NCKAP5: variants seen among roughly 807,000 people sequenced by gnomAD.
NCKAP5 encodes NCK associated protein 5.
NCKAP5 carries 92 observed loss-of-function variants against 167.0 expected under a neutral mutation model. That is an observed-to-expected ratio of 0.55 (90% CI 0.47 to 0.66). The LOEUF is 0.66. NCKAP5 is among the 30% of genes least tolerant of loss of function. The probability of loss-of-function intolerance (pLI) is 0.00; values close to 1 mark genes in which losing one functional copy is unlikely to be tolerated. For missense variants in NCKAP5, 2,378 were observed against 2,315.0 expected (o/e 1.03, Z -0.56); for synonymous variants, 891 against 877.4 (o/e 1.02, Z -0.27).
At chr2:133,561,172 G>C (rs879275123) in intron 1 of NCKAP5, among the ~76,000 whole-genome samples, 29 of 152,250 alleles carry the variant, frequency 1.9e-4, no homozygotes, top group Non-Finnish European at 3.2e-4. Context: ...CTAAAAACAA[G>C]AGCTTCTTTA....
intron 6 of NCKAP5, among the ~76,000 whole-genome samples, chr2:133,037,857 A>T (rs1332450084): frequency 2.0e-5 from 3 of 152,188 alleles, no homozygotes; most frequent in Non-Finnish European, 4.4e-5. Flanking sequence ...TGAAGAGACA[A>T]TCCATGGAAT....
At chr2:133,077,328 G>A (rs1025924947) in intron 6 of NCKAP5, among the ~76,000 whole-genome samples, 7 of 152,122 alleles carry the variant, frequency 4.6e-5, no homozygotes, top group African/African-American at 7.2e-5. Context: ...ATTTAAAAAC[G>A]GATGCTTCTA....
chr2:133,022,190 C>A (rs960089149), intron 6 of NCKAP5, among the ~76,000 whole-genome samples: 2 of 152,054 alleles, frequency 1.3e-5, no homozygotes, highest in Admixed American at 1.3e-4. Flanking sequence ...ATATACTAGC[C>A]CCAAATATAT....
chr2:133,008,027 A>T (rs2078024816), intron 6 of NCKAP5, among the ~76,000 whole-genome samples: 1 of 152,176 alleles, frequency 6.6e-6, no homozygotes, highest in South Asian at 2.1e-4. Context: ...GCTGTCTTCT[A>T]TGTGTGCATT....
At chr2:133,446,437 T>C (rs1691199316) in intron 3 of NCKAP5, among the ~76,000 whole-genome samples, 1 of 152,166 alleles carries the variant, frequency 6.6e-6, no homozygotes, top group Non-Finnish European at 1.5e-5. Flanking sequence ...GTGTAATAAC[T>C]CATTTAATTC....
At chr2:133,419,307 C>T (rs1227614541) in intron 3 of NCKAP5, among the ~76,000 whole-genome samples, 3 of 152,186 alleles carry the variant, frequency 2.0e-5, no homozygotes, top group African/African-American at 4.8e-5. Flanking sequence ...TGGAATTTGT[C>T]CCCAAATCTT....
At chr2:133,468,373 A>G (rs1248706904) in intron 3 of NCKAP5, among the ~76,000 whole-genome samples, 1 of 147,434 alleles carries the variant, frequency 6.8e-6, no homozygotes, top group Non-Finnish European at 1.5e-5. Context: ...GTGGTCTGAG[A>G]GACAGTTTGT....
At chr2:133,526,125 A>AG (rs1036623155) in intron 2 of NCKAP5, among the ~76,000 whole-genome samples, 2 of 151,210 alleles carry the variant, frequency 1.3e-5, no homozygotes, top group Non-Finnish European at 2.9e-5. Context: ...GAAGATTGAA[A>AG]GAAAAACAAA....
At chr2:132,936,064 G>A (rs1696829321) in intron 8 of NCKAP5, among the ~76,000 whole-genome samples, 1 of 149,418 alleles carries the variant, frequency 6.7e-6, no homozygotes, top group Non-Finnish European at 1.5e-5. Context: ...TCACTGTAAC[G>A]TCTGCCTCCC....
At chr2:133,102,666 G>C (rs1178472002) in intron 6 of NCKAP5, among the ~76,000 whole-genome samples, 1 of 151,436 alleles carries the variant, frequency 6.6e-6, no homozygotes, top group Non-Finnish European at 1.5e-5. Flanking sequence ...TTACATCTCT[G>C]TTACCTCCAT....
chr2:132,951,584 T>C (rs1426845788), intron 8 of NCKAP5, among the ~76,000 whole-genome samples: 1 of 152,206 alleles, frequency 6.6e-6, no homozygotes, highest in East Asian at 1.9e-4. Flanking sequence ...TGAATGCTAA[T>C]GAATTAGATC....
intron 3 of NCKAP5, among the ~76,000 whole-genome samples, chr2:133,514,410 G>A (rs1043524353): frequency 3.9e-5 from 6 of 152,052 alleles, no homozygotes; most frequent in Non-Finnish European, 7.4e-5. Context: ...CCACAAACTT[G>A]TTTTCCCCAA....
intron 3 of NCKAP5, among the ~76,000 whole-genome samples, chr2:133,501,067 G>A (rs2151386307): frequency 6.6e-6 from 1 of 152,296 alleles, no homozygotes; most frequent in East Asian, 1.9e-4. Context: ...CCAAGGAACT[G>A]GACAGATCGC....
At chr2:133,286,360 A>G (rs1275620521) in intron 4 of NCKAP5, among the ~76,000 whole-genome samples, 1 of 152,228 alleles carries the variant, frequency 6.6e-6, no homozygotes, top group Non-Finnish European at 1.5e-5. Context: ...CTGAAACAGA[A>G]CAAGGCAATT....
At chr2:133,094,300 TA>T (rs1211398594) in intron 6 of NCKAP5, among the ~76,000 whole-genome samples, 1 of 152,220 alleles carries the variant, frequency 6.6e-6, no homozygotes, top group African/African-American at 2.4e-5. Flanking sequence ...TGGTGAGTTC[TA>T]CACAGAATCA....
At chr2:132,772,654 A>G (rs1473830739) in intron 16 of NCKAP5, among the ~76,000 whole-genome samples, 1 of 152,174 alleles carries the variant, frequency 6.6e-6, no homozygotes, top group Non-Finnish European at 1.5e-5. Flanking sequence ...ATTGACAACT[A>G]TAATAAAGGA....
At chr2:133,151,189 T>G (rs981272739) in intron 5 of NCKAP5, among the ~76,000 whole-genome samples, 4 of 152,176 alleles carry the variant, frequency 2.6e-5, no homozygotes, top group African/African-American at 9.6e-5. Flanking sequence ...AATAAAAAGT[T>G]TTTTTAAAAA....
intron 11 of NCKAP5, among the ~76,000 whole-genome samples, chr2:132,803,686 G>A (rs555058415): frequency 3.7e-4 from 56 of 152,290 alleles, no homozygotes; most frequent in African/African-American, 1.3e-3. Context: ...GTGGGTAGAT[G>A]GATGAGGATG....
intron 19 of NCKAP5, chr2:132,714,795 AGAGT>A (rs1311584154): frequency 2.3e-6 from 1 of 440,234 alleles, no homozygotes; most frequent in Non-Finnish European, 4.5e-6. Flanking sequence ...TCTGGGTGAC[AGAGT>A]GAGAATCCAT....
Sources: allele counts gnomAD v4.1 joint callset (sites outside exome capture counted in the v4.1 genomes callset), GRCh38; gene constraint gnomAD v4.1.1; transcripts MANE v1.5; gene names NCBI Gene and HGNC (gene_info 2026-07-23, HGNC 2026-07-21).